Variants in CCSER2 observed in about 807,000 individuals in gnomAD.
The protein encoded by CCSER2 is serine-rich coiled-coil domain-containing protein 2.
CCSER2 carries 46 observed loss-of-function variants against 92.3 expected under a neutral mutation model. That is an observed-to-expected ratio of 0.50 (90% CI 0.39 to 0.64). CCSER2 has a LOEUF of 0.64. CCSER2 is among the 30% of genes least tolerant of loss of function. CCSER2 has a pLI of 0.00. For synonymous variants in CCSER2, 433 were observed against 431.4 expected (o/e 1.00, Z -0.04); for missense variants, 1,244 against 1,238.9 (o/e 1.00, Z -0.06).
chr10:84,391,815 C>T lies in CCSER2; in HGVS notation c.1614+18000C>T, dbSNP rs1051253382. On this transcript the variant is annotated intron_variant, in intron 3 of 9. Coordinates refer to ENST00000372088, the MANE Select transcript of CCSER2 (RefSeq NM_001284240.2). ...ACAATGAGGAAAAGGATTCAGCATTCCGTGGAATTTGTACCATGATCATTG... is the reference window on the plus strand; with the variant it reads ...ACAATGAGGAAAAGGATTCAGCATTTCGTGGAATTTGTACCATGATCATTG... The T allele has an allele frequency of 3.2e-6, 5 of 1,563,860 alleles. No homozygotes were observed. The African/African-American group carries it at 6.8e-5, about 21-fold the overall frequency.
At chr10:84,412,393 A>G (rs1453904917) in intron 3 of CCSER2, among the ~76,000 whole-genome samples, 1 of 151,698 alleles carries the variant, frequency 6.6e-6, no homozygotes, top group Admixed American at 6.6e-5. Context: ...TGTACCTCTG[A>G]TAGAATTCAG....
chr10:84,341,272 G>A (rs1844164464), intron 1 of CCSER2, among the ~76,000 whole-genome samples: 1 of 150,414 alleles, frequency 6.6e-6, no homozygotes, highest in Admixed American at 6.6e-5. Flanking sequence ...TGGCCTCTAG[G>A]ATCTTCCCAC....
At chr10:84,414,949 C>A (rs1415448955) in intron 3 of CCSER2, among the ~76,000 whole-genome samples, 3 of 152,102 alleles carry the variant, frequency 2.0e-5, no homozygotes, top group African/African-American at 7.2e-5. Flanking sequence ...GCTATTGATA[C>A]TGGTGATTAC....
chr10:84,352,293 ACT>A (rs1327386313), intron 1 of CCSER2, among the ~76,000 whole-genome samples: 5 of 150,078 alleles, frequency 3.3e-5, no homozygotes, highest in Admixed American at 2.7e-4. Context: ...ACAGAGGAAG[ACT>A]CTGTCTCAAA....
At chr10:84,441,821 A>G (rs1454422666) in intron 6 of CCSER2, among the ~76,000 whole-genome samples, 2 of 125,696 alleles carry the variant, frequency 1.6e-5, no homozygotes, top group Non-Finnish European at 3.1e-5. Flanking sequence ...CAGTGGCGCG[A>G]TCTCGGCTCA....
At chr10:84,477,259 C>T (rs1366463534) in intron 8 of CCSER2, among the ~76,000 whole-genome samples, 1 of 152,136 alleles carries the variant, frequency 6.6e-6, no homozygotes, top group Non-Finnish European at 1.5e-5. Flanking sequence ...TCTAACCTTA[C>T]AGGCTGACTC....
At chr10:84,342,056 G>C (rs1380590365) in intron 1 of CCSER2, among the ~76,000 whole-genome samples, 2 of 152,050 alleles carry the variant, frequency 1.3e-5, no homozygotes, top group African/African-American at 4.8e-5. Context: ...TCAGCCTTCA[G>C]TCCCCTTCCC....
intron 1 of CCSER2, among the ~76,000 whole-genome samples, chr10:84,348,460 G>A (rs560027277): frequency 4.2e-5 from 6 of 144,014 alleles, no homozygotes; most frequent in South Asian, 2.1e-4. Flanking sequence ...GGGAGAGGGA[G>A]ACCATGGAAA....
chr10:84,368,103 C>T (rs762798714), intron 1 of CCSER2, among the ~76,000 whole-genome samples: 2 of 152,130 alleles, frequency 1.3e-5, no homozygotes, highest in African/African-American at 2.4e-5. Flanking sequence ...CTGGTGATGC[C>T]TCTGCCTAGG....
chr10:84,345,974 T>G (rs886369077), intron 1 of CCSER2, among the ~76,000 whole-genome samples: 1 of 152,192 alleles, frequency 6.6e-6, no homozygotes, highest in African/African-American at 2.4e-5. Context: ...GCAAAAAAAG[T>G]AATGTTTAGT....
chr10:84,513,358 A>G (rs1301600252), intron 9 of CCSER2, 91 bp from the exon 10 acceptor site: 3 of 997,928 alleles, frequency 3.0e-6, no homozygotes, highest in Non-Finnish European at 4.5e-6. Flanking sequence ...TAAAGCCATA[A>G]TAAGTACCAA....
chr10:84,377,826 T>G (rs1846421147), intron 3 of CCSER2, among the ~76,000 whole-genome samples: 1 of 152,220 alleles, frequency 6.6e-6, no homozygotes, highest in Non-Finnish European at 1.5e-5. Context: ...TTATGCATGT[T>G]TGATTTTGAC....
intron 4 of CCSER2, among the ~76,000 whole-genome samples, chr10:84,424,296 A>C (rs1843313927): frequency 6.6e-6 from 1 of 151,896 alleles, no homozygotes; most frequent in Admixed American, 6.6e-5. Context: ...AAAAAAAAAA[A>C]CTTGGTTTAT....
At chr10:84,424,987 T>G in intron 4 of CCSER2, 1 of 984,848 alleles carries the variant, frequency 1.0e-6, no homozygotes, top group Non-Finnish European at 1.2e-6. Flanking sequence ...TAACACAATG[T>G]CTCCCTTGTG....
At chr10:84,496,262 G>A (rs1382612348) in intron 9 of CCSER2, among the ~76,000 whole-genome samples, 1 of 152,046 alleles carries the variant, frequency 6.6e-6, no homozygotes, top group African/African-American at 2.4e-5. Context: ...TACAAGGGTG[G>A]AGGCCTACAC....
At chr10:84,468,666 A>G (rs1846597824) in intron 7 of CCSER2, among the ~76,000 whole-genome samples, 1 of 152,202 alleles carries the variant, frequency 6.6e-6, no homozygotes, top group Non-Finnish European at 1.5e-5. Context: ...ATGGCTATAT[A>G]GTGTTCCATG....
At chr10:84,461,654 A>G (rs1472851098) in intron 6 of CCSER2, among the ~76,000 whole-genome samples, 3 of 148,630 alleles carry the variant, frequency 2.0e-5, no homozygotes, top group African/African-American at 7.4e-5. Flanking sequence ...TCTACTTTTT[A>G]TATTCTGTTT....
rs958712248 is a variant in CCSER2, at chr10:84,371,116, T to C, written c.64T>C (p.Ser22Pro). 8 of 1,610,256 alleles carry C rather than the reference T, an allele frequency of 5.0e-6. No homozygotes were observed. The African/African-American group carries it at 1.1e-4, about 22-fold the overall frequency. The change falls in exon 2 of 10, where the codon TCT becomes CCT. Residue 22 changes from serine to proline, a missense_variant. Coordinates refer to ENST00000372088, the MANE Select transcript of CCSER2 (RefSeq NM_001284240.2). ...CAAGTTGCCAAAGTATGGAACAAAA[T>C]CTGTAAGAAGTACATTGCAGCCAAT... ...GSKLPKYGTKSVRSTLQPMPN... is the reference protein window; with the variant it reads ...GSKLPKYGTKPVRSTLQPMPN...
intron 1 of CCSER2, among the ~76,000 whole-genome samples, chr10:84,364,736 A>ATT (rs754215030): frequency 1.4e-4 from 16 of 114,630 alleles, no homozygotes; most frequent in Non-Finnish European, 1.8e-4. Context: ...GTATTTTTGA[A>ATT]TTTTTTTTTG....
Sources: gnomAD v4.1 joint callset for allele counts (sites outside exome capture counted in the v4.1 genomes callset) on GRCh38, gnomAD v4.1.1 for gene constraint, MANE v1.5 for transcripts, NCBI Gene and HGNC (gene_info 2026-07-23, HGNC 2026-07-21) for gene names.